Variants in CPQ observed in about 807,000 individuals in gnomAD.
CPQ encodes the protein carboxypeptidase Q.
Under a neutral mutation model 45.7 loss-of-function variants are expected in CPQ, and 37 were observed. That is an observed-to-expected ratio of 0.81 (90% CI 0.62 to 1.07). The LOEUF (loss-of-function observed/expected upper bound fraction) is 1.07, where lower values mean the gene tolerates loss of function less well. Ranked by LOEUF, CPQ falls within the 50% of genes least tolerant of loss-of-function variation. The probability of loss-of-function intolerance (pLI) is 0.00; values close to 1 mark genes in which losing one functional copy is unlikely to be tolerated. For missense variants in CPQ, 537 were observed against 572.9 expected (o/e 0.94, Z 0.64); for synonymous variants, 186 against 205.8 (o/e 0.90, Z 0.82).
chr8:96,931,082 C>T (rs577753848), intron 4 of CPQ, among the ~76,000 whole-genome samples: 20 of 152,310 alleles, frequency 1.3e-4, no homozygotes, highest in African/African-American at 3.4e-4. Context: ...AACATACATG[C>T]AGGCTTCAAG....
At chr8:96,891,504 G>A (rs979672045) in intron 4 of CPQ, among the ~76,000 whole-genome samples, 1 of 152,116 alleles carries the variant, frequency 6.6e-6, no homozygotes. Flanking sequence ...TGCCACCATG[G>A]CCACTTTGTT....
Position 96,934,123 on chromosome 8 carries a change from A to T in CPQ, c.850-31812A>T, listed in dbSNP as rs182880459. On this transcript the variant is annotated intron_variant, in intron 4 of 7. Coordinates refer to ENST00000220763, the MANE Select transcript of CPQ (RefSeq NM_016134.4). ...CTGCATGTGGAGTCTAGGGACCTAG[A>T]TTCTCATCTGACTATCACTGAGAAG... Among the ~76,000 whole-genome samples, 902 of 152,274 alleles carry T rather than the reference A, an allele frequency of 5.9e-3. 6 individuals carry two copies. The highest frequency in any genetic ancestry group is 0.01 in the Middle Eastern group (3 of 294).
intron 7 of CPQ, among the ~76,000 whole-genome samples, chr8:97,080,309 G>A (rs13439480): frequency 0.1 from 15,196 of 152,116 alleles, 1,130 homozygotes; most frequent in African/African-American, 0.21. Context: ...TAATCTGCTC[G>A]TTGAAACTTG....
At chr8:96,883,119 A>G (rs1812250966) in intron 4 of CPQ, among the ~76,000 whole-genome samples, 2 of 152,140 alleles carry the variant, frequency 1.3e-5, no homozygotes, top group Non-Finnish European at 2.9e-5. Flanking sequence ...CTTCCTTTAT[A>G]TCCCCGAGTA....
chr8:96,676,884 T>A (rs562315943), intron 1 of CPQ, among the ~76,000 whole-genome samples: 2 of 152,134 alleles, frequency 1.3e-5, no homozygotes, highest in African/African-American at 4.8e-5. Flanking sequence ...TGCCTTTGCA[T>A]CCTCATAGCT....
intron 4 of CPQ, among the ~76,000 whole-genome samples, chr8:96,950,131 T>C (rs1813239042): frequency 6.6e-6 from 1 of 152,118 alleles, no homozygotes; most frequent in Non-Finnish European, 1.5e-5. Flanking sequence ...TAATAAAGGT[T>C]CATCATTTTT....
chr8:96,799,336 G>A (rs1368764636), intron 2 of CPQ, among the ~76,000 whole-genome samples: 1 of 152,156 alleles, frequency 6.6e-6, no homozygotes, highest in Non-Finnish European at 1.5e-5. Context: ...TAGCCAATAA[G>A]TTCAGTCCAT....
rs189465267 is a variant in CPQ at position 97,061,546 on chromosome 8, G to A, written c.1054-4463G>A. Among the ~76,000 whole-genome samples, 36 of 152,210 alleles carry A rather than the reference G, an allele frequency of 2.4e-4. 1 individual carries two copies. Among genetic ancestry groups the A allele is most frequent in the South Asian group, 1.2e-3 (6 of 4,822 alleles). ...GCACCACTTAACTAGCTAGGTAACCGTGGGAAAGTTAGTCAACCTGACTAA... is the reference window on the plus strand; with the variant it reads ...GCACCACTTAACTAGCTAGGTAACCATGGGAAAGTTAGTCAACCTGACTAA... On this transcript the variant is annotated intron_variant, in intron 6 of 7. Transcript: ENST00000220763.
At chr8:96,970,665 G>A (rs1255573593) in intron 5 of CPQ, among the ~76,000 whole-genome samples, 3 of 151,480 alleles carry the variant, frequency 2.0e-5, no homozygotes, top group East Asian at 3.9e-4. Flanking sequence ...CCGGGTTCAC[G>A]CCATTCTCCT....
intron 2 of CPQ, among the ~76,000 whole-genome samples, chr8:96,803,996 G>A (rs116114987): frequency 1.9e-4 from 29 of 152,268 alleles, no homozygotes; most frequent in Middle Eastern, 3.4e-3. Flanking sequence ...GTGTAATGTG[G>A]GAACATGGAG....
intron 5 of CPQ, among the ~76,000 whole-genome samples, chr8:96,974,553 C>T (rs1266657746): frequency 3.3e-5 from 5 of 152,256 alleles, no homozygotes; most frequent in African/African-American, 1.2e-4. Context: ...TACCCAGCAA[C>T]TGCAGAATAT....
intron 7 of CPQ, among the ~76,000 whole-genome samples, chr8:97,086,400 T>G (rs1811041427): frequency 6.6e-6 from 1 of 152,124 alleles, no homozygotes; most frequent in South Asian, 2.1e-4. Flanking sequence ...GCTGTTTCTG[T>G]TTTACGAATA....
At chr8:97,071,060 C>G (rs1373473198) in intron 7 of CPQ, among the ~76,000 whole-genome samples, 3 of 152,142 alleles carry the variant, frequency 2.0e-5, no homozygotes, top group Non-Finnish European at 2.9e-5. Flanking sequence ...CTATATCTGC[C>G]AAGAAGAGTT....
At chr8:96,994,666 G>C (rs1809148532) in intron 5 of CPQ, among the ~76,000 whole-genome samples, 1 of 151,910 alleles carries the variant, frequency 6.6e-6, no homozygotes, top group East Asian at 1.9e-4. Flanking sequence ...AAAGAACCTG[G>C]CATATAGAAG....
chr8:97,082,278 A>G (rs1329267916), intron 7 of CPQ, among the ~76,000 whole-genome samples: 1 of 152,152 alleles, frequency 6.6e-6, no homozygotes, highest in African/African-American at 2.4e-5. Context: ...AACCATGACC[A>G]TGGGCAGCTC....
chr8:96,977,844 G>T (rs1162969510), intron 5 of CPQ, among the ~76,000 whole-genome samples: 1 of 152,150 alleles, frequency 6.6e-6, no homozygotes, highest in East Asian at 1.9e-4. Context: ...GGACAGCAAA[G>T]GATAAAAGAC....
intron 5 of CPQ, among the ~76,000 whole-genome samples, chr8:97,000,529 C>T (rs1243678439): frequency 2.0e-5 from 3 of 151,888 alleles, no homozygotes; most frequent in Non-Finnish European, 4.4e-5. Context: ...TTGTCAGCTT[C>T]GTTGAAGATC....
At chr8:96,872,478 C>T (rs1399088296) in intron 3 of CPQ, among the ~76,000 whole-genome samples, 2 of 151,822 alleles carry the variant, frequency 1.3e-5, no homozygotes, top group Non-Finnish European at 2.9e-5. Flanking sequence ...TGTGTAATAA[C>T]TTCTTACAGT....
intron 7 of CPQ, among the ~76,000 whole-genome samples, chr8:97,126,708 T>A (rs923154993): frequency 2.0e-5 from 3 of 152,156 alleles, no homozygotes; most frequent in African/African-American, 4.8e-5. Context: ...AGGAGATTTT[T>A]AAGCAGACTT....
Sources: allele counts gnomAD v4.1 joint callset (sites outside exome capture counted in the v4.1 genomes callset), GRCh38; gene constraint gnomAD v4.1.1; transcripts MANE v1.5; gene names NCBI Gene and HGNC (gene_info 2026-07-23, HGNC 2026-07-21).